HMGCLL1: variants seen among roughly 807,000 people sequenced by gnomAD.
The protein encoded by HMGCLL1 is 3-hydroxy-3-methylglutaryl-CoA lyase like 1, also known as 3-hydroxymethyl-3-methylglutaryl-CoA lyase, cytoplasmic.
HMGCLL1 carries 36 observed loss-of-function variants against 39.1 expected under a neutral mutation model. That is an observed-to-expected ratio of 0.92 (90% CI 0.71 to 1.22). HMGCLL1 has a LOEUF of 1.22. Ranked by LOEUF, HMGCLL1 falls within the 50% of genes most tolerant of loss-of-function variation. The pLI is 0.00. For missense variants in HMGCLL1, 451 were observed against 416.5 expected (o/e 1.08, Z -0.72); for synonymous variants, 149 against 144.0 (o/e 1.03, Z -0.25).
chr6:55,483,388 C>T (rs903409625), intron 7 of HMGCLL1, among the ~76,000 whole-genome samples: 1 of 152,142 alleles, frequency 6.6e-6, no homozygotes, highest in Non-Finnish European at 1.5e-5. Flanking sequence ...GCCTCAGCCT[C>T]CCGAGTAGCT....
chr6:55,538,843 C>T, intron 3 of HMGCLL1, among the ~76,000 whole-genome samples: 1 of 151,564 alleles, frequency 6.6e-6, no homozygotes, highest in Non-Finnish European at 1.5e-5. Context: ...CATACACACA[C>T]ACACACACAC....
intron 1 of HMGCLL1, among the ~76,000 whole-genome samples, chr6:55,558,029 C>T (rs1770762562): frequency 6.6e-6 from 1 of 152,136 alleles, no homozygotes; most frequent in Non-Finnish European, 1.5e-5. Flanking sequence ...TGTCATGCTT[C>T]AGGCTCCATT....
intron 7 of HMGCLL1, among the ~76,000 whole-genome samples, chr6:55,461,666 T>A (rs551383496): frequency 3.3e-5 from 5 of 152,156 alleles, no homozygotes; most frequent in Non-Finnish European, 7.4e-5. Flanking sequence ...GTAACCATGA[T>A]GTTATCAGAA....
chr6:55,646,574 G>A, the HMGCLL1 span, among the ~76,000 whole-genome samples: 1 of 151,728 alleles, frequency 6.6e-6, no homozygotes, highest in Non-Finnish European at 1.5e-5. Flanking sequence ...CCATCCCATA[G>A]GTTTAGGCAT....
the HMGCLL1 span, among the ~76,000 whole-genome samples, chr6:55,662,003 T>C: frequency 6.6e-6 from 1 of 151,464 alleles, no homozygotes; most frequent in Non-Finnish European, 1.5e-5. Flanking sequence ...GTGGTTGGTG[T>C]ATAAAAATGC....
chr6:55,644,079 C>G, the HMGCLL1 span, among the ~76,000 whole-genome samples: 4 of 152,122 alleles, frequency 2.6e-5, no homozygotes, highest in South Asian at 8.3e-4. Flanking sequence ...TACTGCCTGT[C>G]TCTTGGATAT....
chr6:55,456,506 C>T (rs1325357621), intron 7 of HMGCLL1, among the ~76,000 whole-genome samples: 1 of 152,108 alleles, frequency 6.6e-6, no homozygotes, highest in Non-Finnish European at 1.5e-5. Flanking sequence ...CTTTCTTGTC[C>T]GTCACGTCTT....
At chr6:55,516,085 T>C (rs1301295901) in intron 4 of HMGCLL1, among the ~76,000 whole-genome samples, 2 of 151,900 alleles carry the variant, frequency 1.3e-5, no homozygotes, top group African/African-American at 4.8e-5. Flanking sequence ...GACAATTAGC[T>C]TTTCACCCAG....
the HMGCLL1 span, among the ~76,000 whole-genome samples, chr6:55,666,084 T>A: frequency 1.1e-3 from 169 of 151,694 alleles, 4 homozygotes; most frequent in Non-Finnish European, 3.1e-4. Flanking sequence ...CGCTCATAAC[T>A]TTTCAGCTCA....
intron 1 of HMGCLL1, among the ~76,000 whole-genome samples, chr6:55,553,269 GTA>G (rs1770466291): frequency 6.7e-6 from 1 of 149,428 alleles, no homozygotes; most frequent in Non-Finnish European, 1.5e-5. Context: ...GTGTGTGTGT[GTA>G]TGTATGTATG....
At chr6:55,586,405 T>TTTA in the HMGCLL1 span, among the ~76,000 whole-genome samples, 3 of 151,428 alleles carry the variant, frequency 2.0e-5, no homozygotes, top group Admixed American at 6.6e-5. Context: ...CAGTTTTTTT[T>TTTA]TTATTATACT....
the HMGCLL1 span, among the ~76,000 whole-genome samples, chr6:55,601,011 A>G: frequency 6.6e-6 from 1 of 152,222 alleles, no homozygotes; most frequent in Non-Finnish European, 1.5e-5. Flanking sequence ...TATTTCCAAT[A>G]AATAAAAAAT....
the HMGCLL1 span, among the ~76,000 whole-genome samples, chr6:55,661,650 C>T: frequency 6.6e-6 from 1 of 151,956 alleles, no homozygotes; most frequent in Non-Finnish European, 1.5e-5. Context: ...TAGTGTGATG[C>T]CTCCAGCCTT....
chr6:55,499,173 C>T (rs1243411762), intron 6 of HMGCLL1, 63 bp downstream of exon 6: 8 of 1,271,294 alleles, frequency 6.3e-6, no homozygotes, highest in South Asian at 1.3e-5. Flanking sequence ...TTAAGAAAGC[C>T]CCCTTTTAAA....
At chr6:55,657,160 T>C in the HMGCLL1 span, among the ~76,000 whole-genome samples, 11 of 152,078 alleles carry the variant, frequency 7.2e-5, no homozygotes, top group African/African-American at 2.7e-4. Context: ...GTCTTTTTAC[T>C]CTGTTCATAG....
At chr6:55,645,629 T>C in the HMGCLL1 span, among the ~76,000 whole-genome samples, 37 of 152,010 alleles carry the variant, frequency 2.4e-4, 1 homozygote, top group Non-Finnish European at 1.5e-4. Flanking sequence ...CTTTATCAAA[T>C]GCCTTTTCAG....
chr6:55,605,876 C>T, the HMGCLL1 span, among the ~76,000 whole-genome samples: 52,387 of 151,892 alleles, frequency 0.34, 10,111 homozygotes, highest in African/African-American at 0.52. Context: ...GACCTTAGGG[C>T]CATTTTAATT....
At chr6:55,631,312 T>C in the HMGCLL1 span, among the ~76,000 whole-genome samples, 8 of 152,154 alleles carry the variant, frequency 5.3e-5, no homozygotes, top group Non-Finnish European at 1.0e-4. Context: ...CTTTTTTTTA[T>C]ATGCATAGTT....
chr6:55,585,580 G>T, the HMGCLL1 span, among the ~76,000 whole-genome samples: 1 of 151,926 alleles, frequency 6.6e-6, no homozygotes, highest in Non-Finnish European at 1.5e-5. Flanking sequence ...AAGTACTATT[G>T]AATGAGAACA....
Sources: allele counts gnomAD v4.1 joint callset (sites outside exome capture counted in the v4.1 genomes callset), GRCh38; gene constraint gnomAD v4.1.1; transcripts MANE v1.5; gene names NCBI Gene and HGNC (gene_info 2026-07-23, HGNC 2026-07-21).